Variants in PDPR observed in about 807,000 individuals in gnomAD.
PDPR encodes the protein pyruvate dehydrogenase phosphatase regulatory subunit, mitochondrial.
In PDPR, 50 loss-of-function variants were observed where a neutral mutation model predicts 102.2. The observed-to-expected ratio is 0.49, with a 90% CI of 0.39 to 0.62. The LOEUF (loss-of-function observed/expected upper bound fraction) is 0.62, where lower values mean the gene tolerates loss of function less well. PDPR is among the 20% of genes least tolerant of loss of function. PDPR has a pLI of 0.00. For synonymous variants in PDPR, 259 were observed against 406.0 expected, an observed-to-expected ratio of 0.64 and a Z score of 4.35; for missense variants, 625 against 1,098.2, an observed-to-expected ratio of 0.57 and a Z score of 6.09.
At chr16:70,150,295 G>C (rs1264496433) in intron 17 of PDPR, among the ~76,000 whole-genome samples, 1 of 151,724 alleles carries the variant, frequency 6.6e-6, no homozygotes, top group Non-Finnish European at 1.5e-5. Context: ...GTAGAGACAG[G>C]ATTTCACCAT....
At chr16:70,131,996 G>C in intron 8 of PDPR, 155 bp from the exon 9 acceptor site, 2 of 1,548,932 alleles carry the variant, frequency 1.3e-6, no homozygotes, top group Non-Finnish European at 1.7e-6. Flanking sequence ...GTATTTTAAA[G>C]CTAATGAATG....
At chr16:70,114,220 C>A (rs969397726), upstream of PDPR, 7 of 152,242 alleles carry the variant, frequency 4.6e-5, no homozygotes, top group African/African-American at 1.7e-4. Flanking sequence ...CGCGCTCGTG[C>A]GCTGCTGAGG....
intron 18 of PDPR, among the ~76,000 whole-genome samples, chr16:70,155,929 A>G (rs1967125884): frequency 6.6e-6 from 1 of 151,542 alleles, no homozygotes; most frequent in Admixed American, 6.6e-5. Flanking sequence ...CAGTCTCCCT[A>G]GAATTATAGG....
chr16:70,131,950 G>A (rs1567534291), intron 8 of PDPR: 1 of 1,506,540 alleles, frequency 6.6e-7, no homozygotes, highest in Non-Finnish European at 8.9e-7. Context: ...CCACTGAAAG[G>A]CTAAATGGGA....
rs1033040152 is a variant in PDPR at position 70,162,204 on chromosome 16, C to T, written c.*5325C>T. 6 of 152,480 alleles carry T rather than the reference C, an allele frequency of 3.9e-5. No homozygotes were observed. Among genetic ancestry groups the T allele is most frequent in the Non-Finnish European group, 2.9e-5 (2 of 68,160 alleles). 9.4% of individuals were successfully genotyped at this position (152,480 alleles called of 1,614,324 possible). A position where few individuals can be genotyped will look rare whatever the true frequency, so the allele number is the denominator to read the frequency against. ...AGCAGCTCAGTTAACACTTTACTCTCCAGTCAACACTTGGGACATATAAAA... is the reference window on the plus strand; with the variant it reads ...AGCAGCTCAGTTAACACTTTACTCTTCAGTCAACACTTGGGACATATAAAA... On this transcript the variant is annotated 3_prime_UTR_variant, in exon 19 of 19. Coordinates refer to ENST00000288050, the MANE Select transcript of PDPR (RefSeq NM_017990.5).
At chr16:70,150,553 A>T in intron 17 of PDPR, among the ~76,000 whole-genome samples, 1 of 19,476 alleles carries the variant, frequency 5.1e-5, no homozygotes, top group African/African-American at 1.9e-4. Flanking sequence ...TTTGTGAGAC[A>T]GGGCATTGCT....
intron 18 of PDPR, among the ~76,000 whole-genome samples, chr16:70,155,561 T>C (rs1967062013): frequency 6.6e-6 from 1 of 152,258 alleles, no homozygotes; most frequent in African/African-American, 2.4e-5. Context: ...TTGTATTTTT[T>C]CTTTTTTTAG....
Position 70,129,093 on chromosome 16 carries a change from T to C in PDPR, c.578T>C (p.Leu193Pro). Residue 193 changes from leucine (L) to proline (P), a missense_variant, in exon 6 of 19, where the codon CTT becomes CCT. Coordinates refer to ENST00000288050, the MANE Select transcript of PDPR (RefSeq NM_017990.5). ...GTGGTGTCTTCCGCTGACGTGGCTC[T>C]TGCCCTGGCAAGTGCTGCCTCCCAA... is the stretch of plus-strand genomic sequence containing the variant. ...DAVVSSADVA[L>P]ALASAASQNG... 1 of 1,613,906 alleles carries C rather than the reference T, an allele frequency of 6.2e-7. No individual in the cohort carries two copies. Among genetic ancestry groups the C allele is most frequent in the Non-Finnish European group, 8.5e-7 (1 of 1,179,746 alleles).
In PDPR at chr16:70,156,930, C is replaced by T. The variant is rs375735999; in HGVS notation, c.*51C>T. The T allele has an allele frequency of 1.2e-4, 188 of 1,590,040 alleles. No individual in the cohort carries two copies. The highest frequency in any genetic ancestry group is 1.4e-4 in the Non-Finnish European group (167 of 1,167,214). On this transcript the variant is annotated 3_prime_UTR_variant, in exon 19 of 19. Transcript: ENST00000288050. ...CCCCATCATCTTGTCCTAGAGTGGG[C>T]GTCACCTTGGAGCTTCTCTTCCTTC...
At chr16:70,140,204 A>C (rs1266653528) in intron 11 of PDPR, among the ~76,000 whole-genome samples, 2 of 152,230 alleles carry the variant, frequency 1.3e-5, no homozygotes, top group Non-Finnish European at 2.9e-5. Flanking sequence ...AGCCATGCCT[A>C]GTGGCACACA....
chr16:70,131,747 A>T, intron 8 of PDPR: 1 of 985,410 alleles, frequency 1.0e-6, no homozygotes, highest in Non-Finnish European at 1.2e-6. Context: ...GGTAAACAAT[A>T]GACTTAGGTG....
Position 70,159,294 on chromosome 16 carries a change from G to A in PDPR, c.*2415G>A, listed in dbSNP as rs112280910. ...GTAGAACCAGAAATCCTGACCTCCT[G>A]TTAAATGACATCAGTTTCCCCCTCT... On this transcript the variant is annotated 3_prime_UTR_variant, in exon 19 of 19. Coordinates refer to ENST00000288050, the MANE Select transcript of PDPR (RefSeq NM_017990.5). The A allele has an allele frequency of 3.3e-5, 5 of 152,496 alleles. No individual in the cohort carries two copies. Among genetic ancestry groups the A allele is most frequent in the African/African-American group, 1.2e-4 (5 of 41,596 alleles). The allele number at this position is 152,496 out of a possible 1,614,324, so 9.4% of individuals were successfully genotyped here. A position where few individuals can be genotyped will look rare whatever the true frequency, so the allele number is the denominator to read the frequency against.
In PDPR at chr16:70,161,100, T is replaced by G. The variant is rs1967741715; in HGVS notation, c.*4221T>G. ...TTGGCCAGTGTAGTCAATAAGGGTC[T>G]TCTTTAACATCTAAGATAGAGGTTT... On this transcript the variant is annotated 3_prime_UTR_variant, in exon 19 of 19. Coordinates refer to ENST00000288050, the MANE Select transcript of PDPR (RefSeq NM_017990.5). 6.6e-6 allele frequency: 1 copy of G among 152,480 alleles called. No individual in the cohort carries two copies. Among genetic ancestry groups the G allele is most frequent in the South Asian group, 2.1e-4 (1 of 4,838 alleles). The allele number at this position is 152,480 out of a possible 1,614,324, so 9.4% of individuals were successfully genotyped here. A position where few individuals can be genotyped will look rare whatever the true frequency, so the allele number is the denominator to read the frequency against.
At position 70,128,771 on chromosome 16, in the gene PDPR, A is replaced by T. The variant is rs1384219578; in HGVS notation, c.362-13A>T. Reference sequence around the variant, plus strand: ...GGTCTGATCTGTCTCATTTGGGCTCATTTTTCTTACAGGTTACACAAGGAC... The same window carrying T: ...GGTCTGATCTGTCTCATTTGGGCTCTTTTTTCTTACAGGTTACACAAGGAC... On this transcript the variant is annotated splice_polypyrimidine_tract_variant and intron_variant, in intron 4 of 18. Coordinates refer to ENST00000288050, the MANE Select transcript of PDPR (RefSeq NM_017990.5). 1 of 1,613,462 alleles carries T rather than the reference A, an allele frequency of 6.2e-7. No individual in the cohort carries two copies. The highest frequency in any genetic ancestry group is 1.7e-5 in the Admixed American group (1 of 59,890).
At position 70,142,277 on chromosome 16, in the gene PDPR, C is replaced by G. The variant is rs769965999; in HGVS notation, c.1359C>G (p.Thr453=). 2 of 1,613,988 alleles carry G rather than the reference C, an allele frequency of 1.2e-6. No individual in the cohort carries two copies. Among genetic ancestry groups the G allele is most frequent in the Admixed American group, 1.7e-5 (1 of 60,018 alleles). ...DLKVPRWDFQ[T]GRQLRTSPLY... ...AGGTTCCCCGCTGGGACTTCCAGAC[C>G]GGTAGGCAGTTACGCACCTCTCCTC... is the stretch of plus-strand genomic sequence containing the variant. The change falls in exon 12 of 19, where the codon ACC becomes ACG. Residue 453 remains threonine (T), a synonymous_variant. Transcript: ENST00000288050.
chr16:70,133,742 T>G (rs531003285), intron 9 of PDPR, among the ~76,000 whole-genome samples: 10 of 69,432 alleles, frequency 1.4e-4, no homozygotes, highest in South Asian at 3.5e-4. Flanking sequence ...TGTTTTTTTG[T>G]TTTTTTTTGA....
chr16:70,117,004 C>A (rs1231434529), intron 2 of PDPR, among the ~76,000 whole-genome samples: 1 of 150,352 alleles, frequency 6.7e-6, no homozygotes, highest in African/African-American at 2.5e-5. Context: ...AGCGTGGAGT[C>A]ATGATTAAAT....
Position 70,142,322 on chromosome 16 carries a change from A to C in PDPR, c.1404A>C (p.Ala468=). The part of the protein sequence containing the change: ...RTSPLYDRLD[A]QGARWMEKHG... Reference sequence around the variant, plus strand: ...CTCCTCTCTACGACCGGCTGGATGCACAGGGAGCCAGGTGGATGGAGAAAC... The same window carrying C: ...CTCCTCTCTACGACCGGCTGGATGCCCAGGGAGCCAGGTGGATGGAGAAAC... The change falls in exon 12 of 19, where the codon GCA becomes GCC. Residue 468 remains alanine (A), a synonymous_variant. Coordinates refer to ENST00000288050, the MANE Select transcript of PDPR (RefSeq NM_017990.5). The C allele has an allele frequency of 6.2e-7, 1 of 1,614,052 alleles. No individual in the cohort carries two copies.
intron 2 of PDPR, among the ~76,000 whole-genome samples, chr16:70,116,110 G>A (rs911285336): frequency 6.8e-6 from 1 of 147,868 alleles, no homozygotes; most frequent in Non-Finnish European, 1.5e-5. Context: ...TTTTGAGATG[G>A]AGTCTCACTG....
Sources: allele counts gnomAD v4.1 joint callset (sites outside exome capture counted in the v4.1 genomes callset), GRCh38; gene constraint gnomAD v4.1.1; transcripts MANE v1.5; gene names NCBI Gene and HGNC (gene_info 2026-07-23, HGNC 2026-07-21).